The following CSMD1 variants were observed in gnomAD, a reference collection of about 807,000 sequenced individuals.
CSMD1 encodes CUB and sushi domain-containing protein 1.
A neutral mutation model predicts 417.5 loss-of-function variants in CSMD1; 213 were observed. The observed-to-expected ratio is 0.51, with a 90% CI of 0.46 to 0.57. The LOEUF (loss-of-function observed/expected upper bound fraction) is 0.57. Ranked by LOEUF, CSMD1 falls within the 20% of genes least tolerant of loss-of-function variation. The probability of loss-of-function intolerance (pLI) is 0.00; values close to 1 mark genes in which losing one functional copy is unlikely to be tolerated. For synonymous variants in CSMD1, 2,862 were observed against 1,736.8 expected (o/e 1.65, Z -16.11); for missense variants, 6,923 against 4,529.7 (o/e 1.53, Z -15.17).
chr8:3,895,793 A>T (rs1370240157), intron 5 of CSMD1, among the ~76,000 whole-genome samples: 1 of 152,166 alleles, frequency 6.6e-6, no homozygotes, highest in Non-Finnish European at 1.5e-5. Flanking sequence ...ATAACTCTTC[A>T]CACTCCAGTT....
intron 6 of CSMD1, among the ~76,000 whole-genome samples, chr8:3,750,753 G>C (rs1015861414): frequency 6.6e-6 from 1 of 152,072 alleles, no homozygotes; most frequent in Admixed American, 6.6e-5. Context: ...TGGAGGGCTG[G>C]GTGGCTGGCA....
In CSMD1 at chr8:3,408,006, G is replaced by A; in HGVS notation, c.1964C>T (p.Ser655Phe). The change falls in exon 14 of 70, where the codon TCT (serine) becomes TTT (phenylalanine). Residue 655 changes from serine (S) to phenylalanine (F), a missense_variant. Transcript: ENST00000635120. ...CAGCTGGGAAGGCACTTCATTGCCAGAAAAAGTACCCAGGACAGTTATGTC... is the reference window on the plus strand; with the variant it reads ...CAGCTGGGAAGGCACTTCATTGCCAAAAAAAGTACCCAGGACAGTTATGTC... ...ISDITVLGTFSGNEVPSQLAS... is the reference protein window; with the variant it reads ...ISDITVLGTFFGNEVPSQLAS... The A allele has an allele frequency of 1.9e-6, 3 of 1,613,926 alleles. No homozygotes were observed. Among genetic ancestry groups the A allele is most frequent in the Non-Finnish European group, 2.5e-6 (3 of 1,179,874 alleles).
intron 47 of CSMD1, among the ~76,000 whole-genome samples, chr8:3,093,898 G>A (rs954048888): frequency 5.3e-5 from 8 of 152,138 alleles, no homozygotes; most frequent in African/African-American, 1.9e-4. Flanking sequence ...GAGATGCCCT[G>A]CAAAAGAGTG....
intron 5 of CSMD1, among the ~76,000 whole-genome samples, chr8:3,909,846 C>A (rs954469703): frequency 6.6e-6 from 1 of 152,086 alleles, no homozygotes; most frequent in Non-Finnish European, 1.5e-5. Flanking sequence ...CCACGTATGT[C>A]CTGCTGTATA....
intron 37 of CSMD1, among the ~76,000 whole-genome samples, chr8:3,165,392 A>C (rs1360213713): frequency 6.6e-6 from 1 of 151,998 alleles, no homozygotes; most frequent in Non-Finnish European, 1.5e-5. Context: ...TCAAGTCATC[A>C]TGAGAACAGT....
intron 1 of CSMD1, among the ~76,000 whole-genome samples, chr8:4,836,765 G>C (rs747783465): frequency 6.6e-6 from 1 of 151,960 alleles, no homozygotes; most frequent in Non-Finnish European, 1.5e-5. Context: ...TGTCTCCACA[G>C]GAGTCTTGAC....
rs143906045 is a variant in CSMD1, at chr8:4,831,749, G to T, written c.85+162583C>A. Among the ~76,000 whole-genome samples the T allele has an allele frequency of 9.7e-4, 148 of 152,278 alleles. 1 individual carries two copies. Among genetic ancestry groups the T allele is most frequent in the Admixed American group, 5.4e-3 (82 of 15,294 alleles). ...GCCTGTACCTGGCCTTGGGGTTCTA[G>T]TCCAATTCCTACAACTTTAGGGAGA... is the stretch of plus-strand genomic sequence containing the variant. On this transcript the variant is annotated intron_variant, in intron 1 of 69. Transcript: ENST00000635120.
intron 8 of CSMD1, among the ~76,000 whole-genome samples, chr8:3,614,008 A>G (rs1437195476): frequency 6.6e-6 from 1 of 151,922 alleles, no homozygotes. Context: ...TCACCTAGGG[A>G]GAAAGTTCTA....
intron 26 of CSMD1, among the ~76,000 whole-genome samples, chr8:3,269,919 C>G (rs752659425): frequency 6.6e-6 from 1 of 152,070 alleles, no homozygotes; most frequent in Non-Finnish European, 1.5e-5. Context: ...AAAATTTAGT[C>G]TTCCATAAAG....
chr8:4,634,179 T>C, intron 2 of CSMD1, among the ~76,000 whole-genome samples: 1 of 152,260 alleles, frequency 6.6e-6, no homozygotes, highest in South Asian at 2.1e-4. Flanking sequence ...ATATATGTAT[T>C]GTTGGTGTGT....
intron 14 of CSMD1, among the ~76,000 whole-genome samples, chr8:3,407,415 G>A (rs1324194193): frequency 2.7e-5 from 4 of 148,246 alleles, no homozygotes; most frequent in Admixed American, 2.7e-4. Context: ...ATGAATGGAT[G>A]GAAGGATGGA....
At chr8:3,598,884 C>A (rs1177619573) in intron 8 of CSMD1, among the ~76,000 whole-genome samples, 1 of 152,054 alleles carries the variant, frequency 6.6e-6, no homozygotes, top group Non-Finnish European at 1.5e-5. Flanking sequence ...AGTTTGAGAC[C>A]AGTCTGACCA....
chr8:3,400,164 G>A (rs999671355), intron 15 of CSMD1, among the ~76,000 whole-genome samples: 1 of 152,166 alleles, frequency 6.6e-6, no homozygotes, highest in Non-Finnish European at 1.5e-5. Context: ...TTACTGCTCA[G>A]TGAAAGTGAT....
At chr8:4,035,838 A>G (rs932597874) in intron 3 of CSMD1, among the ~76,000 whole-genome samples, 4 of 152,184 alleles carry the variant, frequency 2.6e-5, no homozygotes, top group Non-Finnish European at 2.9e-5. Context: ...CTAAGTGTAC[A>G]GTGTTTATGA....
At chr8:4,647,896 T>G (rs931303843) in intron 1 of CSMD1, among the ~76,000 whole-genome samples, 1 of 152,228 alleles carries the variant, frequency 6.6e-6, no homozygotes, top group South Asian at 2.1e-4. Context: ...TGTGTCTTTA[T>G]AGTAGAACGA....
chr8:4,364,802 G>T (rs1216583352), intron 3 of CSMD1, among the ~76,000 whole-genome samples: 1 of 12,052 alleles, frequency 8.3e-5, no homozygotes, highest in Non-Finnish European at 1.1e-4. Flanking sequence ...TCCAGCCTGC[G>T]CGACAGAGCG....
At chr8:4,453,731 C>T (rs1483753590) in intron 2 of CSMD1, among the ~76,000 whole-genome samples, 2 of 151,940 alleles carry the variant, frequency 1.3e-5, no homozygotes, top group Non-Finnish European at 2.9e-5. Flanking sequence ...GCTTAACCAT[C>T]CCCAAACGTA....
At chr8:4,752,890 C>A (rs1456349295) in intron 1 of CSMD1, among the ~76,000 whole-genome samples, 3 of 152,168 alleles carry the variant, frequency 2.0e-5, no homozygotes, top group Non-Finnish European at 2.9e-5. Flanking sequence ...CCCAAAGATC[C>A]TGCACCACAC....
chr8:3,692,218 C>T (rs558225043), intron 7 of CSMD1, among the ~76,000 whole-genome samples: 14 of 152,300 alleles, frequency 9.2e-5, no homozygotes, highest in South Asian at 6.2e-4. Flanking sequence ...ACCTCAGTGT[C>T]CTGGGGGCAA....
Sources: allele counts gnomAD v4.1 joint callset (sites outside exome capture counted in the v4.1 genomes callset), GRCh38; gene constraint gnomAD v4.1.1; transcripts MANE v1.5; gene names NCBI Gene and HGNC (gene_info 2026-07-23, HGNC 2026-07-21).